Variants in RPSA2 observed in about 807,000 individuals in gnomAD.
RPSA2 encodes the protein ribosomal protein SA 2.
chr19:23,848,292 C>G, the RPSA2 span, among the ~76,000 whole-genome samples: 4 of 152,168 alleles, frequency 2.6e-5, no homozygotes, highest in Admixed American at 1.3e-4. Context: ...ACATCTCTCC[C>G]TTTCTTTTTA....
the RPSA2 span, among the ~76,000 whole-genome samples, chr19:23,814,283 A>G: frequency 6.6e-6 from 1 of 152,104 alleles, no homozygotes; most frequent in Non-Finnish European, 1.5e-5. Flanking sequence ...GTTTCAGGAA[A>G]TAATCGAACT....
chr19:23,776,990 G>T, the RPSA2 span, among the ~76,000 whole-genome samples: 7 of 152,172 alleles, frequency 4.6e-5, no homozygotes, highest in Non-Finnish European at 1.0e-4. Flanking sequence ...GCCATATGGG[G>T]ATTGTGATAT....
At chr19:23,869,896 C>T in the RPSA2 span, among the ~76,000 whole-genome samples, 2 of 152,162 alleles carry the variant, frequency 1.3e-5, no homozygotes, top group Non-Finnish European at 2.9e-5. Flanking sequence ...TGGTTTTAAT[C>T]CTTATGTCTT....
At chr19:23,830,900 G>T in the RPSA2 span, among the ~76,000 whole-genome samples, 1 of 151,700 alleles carries the variant, frequency 6.6e-6, no homozygotes, top group African/African-American at 2.4e-5. Flanking sequence ...TTATAATGTT[G>T]TTCTGTCCTG....
the RPSA2 span, among the ~76,000 whole-genome samples, chr19:23,771,070 C>T: frequency 6.6e-6 from 1 of 152,168 alleles, no homozygotes; most frequent in Non-Finnish European, 1.5e-5. Flanking sequence ...AAAGAATTAA[C>T]ACTCTCTCAC....
the RPSA2 span, among the ~76,000 whole-genome samples, chr19:23,839,341 G>C: frequency 2.0e-5 from 3 of 152,002 alleles, no homozygotes. Flanking sequence ...ATTGAGGCGC[G>C]TTATGATTGT....
At chr19:23,830,645 ATC>A in the RPSA2 span, among the ~76,000 whole-genome samples, 2 of 151,288 alleles carry the variant, frequency 1.3e-5, no homozygotes, top group African/African-American at 4.9e-5. Flanking sequence ...TTTTTTTGAA[ATC>A]TTAAATATTT....
the RPSA2 span, among the ~76,000 whole-genome samples, chr19:23,845,984 G>A: frequency 2.6e-5 from 4 of 152,024 alleles, no homozygotes; most frequent in African/African-American, 4.8e-5. Flanking sequence ...TATCTCAATG[G>A]TCTCTCTAAT....
At chr19:23,804,469 G>T in the RPSA2 span, among the ~76,000 whole-genome samples, 1 of 129,594 alleles carries the variant, frequency 7.7e-6, no homozygotes, top group Non-Finnish European at 1.7e-5. Context: ...GCTAATTTTT[G>T]TATTTTTAGT....
chr19:23,853,667 A>T, the RPSA2 span, among the ~76,000 whole-genome samples: 2 of 152,094 alleles, frequency 1.3e-5, no homozygotes, highest in African/African-American at 4.8e-5. Flanking sequence ...GTTTTTCATT[A>T]TATGTTGGGT....
chr19:23,769,789 ACT>A, the RPSA2 span, among the ~76,000 whole-genome samples: 2 of 151,958 alleles, frequency 1.3e-5, no homozygotes. Context: ...AGATGAGGTG[ACT>A]CTCCTCTCCA....
chr19:23,833,142 A>C, the RPSA2 span: 1 of 1,201,268 alleles, frequency 8.3e-7, no homozygotes, highest in Non-Finnish European at 1.1e-6. Context: ...AACCCTACAA[A>C]TGGGAAGAAT....
At chr19:23,824,565 CTCATTA>C in the RPSA2 span, among the ~76,000 whole-genome samples, 1 of 60,842 alleles carries the variant, frequency 1.6e-5, no homozygotes, top group Non-Finnish European at 3.5e-5. Context: ...GCAAAATTGA[CTCATTA>C]TAGCATTTCT....
At chr19:23,827,314 C>T in the RPSA2 span, 37 of 1,570,138 alleles carry the variant, frequency 2.4e-5, no homozygotes, top group South Asian at 3.6e-4. Flanking sequence ...TCATAAATCT[C>T]AAGAGGACCT....
chr19:23,761,630 G>A, the RPSA2 span, among the ~76,000 whole-genome samples: 72 of 152,008 alleles, frequency 4.7e-4, no homozygotes, highest in African/African-American at 1.6e-3. Flanking sequence ...TATCTTCTAA[G>A]TGAGATAAGG....
the RPSA2 span, among the ~76,000 whole-genome samples, chr19:23,784,076 T>C: frequency 6.6e-6 from 1 of 152,154 alleles, no homozygotes; most frequent in Non-Finnish European, 1.5e-5. Flanking sequence ...GACATATAAC[T>C]TGACAAAGCA....
chr19:23,761,927 T>TTCCTTCCTTCCTTCC, the RPSA2 span, among the ~76,000 whole-genome samples: 1 of 62,356 alleles, frequency 1.6e-5, no homozygotes, highest in African/African-American at 7.1e-5. Context: ...TTTCTTTTTT[T>TTCCTTCCTTCCTTCC]TTTTTTTTGA....
the RPSA2 span, among the ~76,000 whole-genome samples, chr19:23,782,777 T>C: frequency 6.6e-6 from 1 of 152,120 alleles, no homozygotes; most frequent in Non-Finnish European, 1.5e-5. Flanking sequence ...TTCTTCCAAC[T>C]GGGTTGATTG....
the RPSA2 span, among the ~76,000 whole-genome samples, chr19:23,824,597 T>TTTTTTTTTTTTTTTTTTTTTA: frequency 1.4e-5 from 2 of 140,544 alleles, no homozygotes; most frequent in Non-Finnish European, 1.5e-5. Context: ...TTTTTTTTTT[T>TTTTTTTTTTTTTTTTTTTTTA]TTGCAGAGTC....
Sources: gnomAD v4.1 joint callset for allele counts (sites outside exome capture counted in the v4.1 genomes callset) on GRCh38, gnomAD v4.1.1 for gene constraint, MANE v1.5 for transcripts, NCBI Gene and HGNC (gene_info 2026-07-23, HGNC 2026-07-21) for gene names.